ARFIP1: variants seen among roughly 807,000 people sequenced by gnomAD.
ARFIP1 encodes the protein arfaptin-1.
Under a neutral mutation model 42.5 loss-of-function variants are expected in ARFIP1, and 24 were observed. The ratio of observed to expected loss-of-function variants is 0.57; its 90% CI spans 0.41 to 0.80. ARFIP1 has a LOEUF of 0.80. Ranked by LOEUF, ARFIP1 falls within the 30% of genes least tolerant of loss-of-function variation. ARFIP1 has a pLI of 0.00. For missense variants in ARFIP1, 354 were observed against 434.0 expected (o/e 0.82, Z 1.64); for synonymous variants, 141 against 153.7 (o/e 0.92, Z 0.61).
Position 152,910,391 on chromosome 4 carries a change from T to TC in ARFIP1, c.*172_*173insC. On this transcript the variant is annotated 3_prime_UTR_variant, in exon 9 of 9. Coordinates refer to ENST00000353617, the MANE Select transcript of ARFIP1 (RefSeq NM_001025595.3). The stretch of plus-strand genomic sequence containing the variant: ...ACTTTAACAATTGAACTGTTAAGGG[T>TC]GGTTTTAATGTAAACATAGTTTCTA... 1 of 696,988 alleles carries TC rather than the reference T, an allele frequency of 1.4e-6. No individual in the cohort carries two copies. The highest frequency in any genetic ancestry group is 2.2e-6 in the Non-Finnish European group (1 of 450,280). 43.2% of individuals were successfully genotyped at this position (696,988 alleles called of 1,614,324 possible). A position where few individuals can be genotyped will look rare whatever the true frequency, so the allele number is the denominator to read the frequency against.
At chr4:152,831,019 CAT>C in intron 2 of ARFIP1, among the ~76,000 whole-genome samples, 1 of 152,256 alleles carries the variant, frequency 6.6e-6, no homozygotes, top group East Asian at 1.9e-4. Context: ...TAGAGTGACT[CAT>C]AGAACCAAGA....
intron 1 of ARFIP1, chr4:152,796,711 A>T: frequency 1.2e-6 from 1 of 864,542 alleles, no homozygotes; most frequent in South Asian, 1.3e-5. Flanking sequence ...CTTCAGACCA[A>T]TCATTTTCTT....
chr4:152,797,398 T>C (rs1262876445), intron 1 of ARFIP1, among the ~76,000 whole-genome samples: 1 of 152,190 alleles, frequency 6.6e-6, no homozygotes, highest in Non-Finnish European at 1.5e-5. Context: ...AGAGGTGGTC[T>C]CCTTGTGGTT....
chr4:152,849,592 C>T (rs969131619), intron 2 of ARFIP1, among the ~76,000 whole-genome samples: 2 of 151,900 alleles, frequency 1.3e-5, no homozygotes, highest in African/African-American at 4.8e-5. Context: ...CCAAAAGGTA[C>T]TTGTAAGTTC....
intron 2 of ARFIP1, among the ~76,000 whole-genome samples, chr4:152,848,936 A>C (rs1245455849): frequency 1.3e-5 from 2 of 152,200 alleles, no homozygotes; most frequent in African/African-American, 4.8e-5. Context: ...CAATGGCAAT[A>C]ATGATTTGAT....
chr4:152,796,805 G>C, intron 1 of ARFIP1: 1 of 660,644 alleles, frequency 1.5e-6, no homozygotes, highest in Non-Finnish European at 2.8e-6. Flanking sequence ...AGCATTTATG[G>C]TGTAATTCAA....
chr4:152,835,595 GTCT>G (rs1460895095), intron 2 of ARFIP1, among the ~76,000 whole-genome samples: 4 of 152,148 alleles, frequency 2.6e-5, no homozygotes, highest in East Asian at 1.9e-4. Context: ...TCACCTTCCT[GTCT>G]TCTTCTGAGC....
In ARFIP1 at chr4:152,911,781, T is replaced by C. The variant is rs185912682; in HGVS notation, c.*1562T>C. ...ACCTATTTTAAATCATTCCTTCCTGTATATTTGTACTCAGAGAGCCTTATT... is the reference window on the plus strand; with the variant it reads ...ACCTATTTTAAATCATTCCTTCCTGCATATTTGTACTCAGAGAGCCTTATT... On this transcript the variant is annotated 3_prime_UTR_variant, in exon 9 of 9. Coordinates refer to ENST00000353617, the MANE Select transcript of ARFIP1 (RefSeq NM_001025595.3). 1.2e-4 allele frequency: 19 copies of C among 152,736 alleles called. No homozygotes were observed. In the East Asian group the frequency reaches 3.7e-3, roughly 29 times the overall value. The allele number at this position is 152,736 out of a possible 1,614,324, so 9.5% of individuals were successfully genotyped here.
chr4:152,796,003 C>T, intron 1 of ARFIP1: 1 of 599,238 alleles, frequency 1.7e-6, no homozygotes, highest in Non-Finnish European at 3.2e-6. Context: ...AGAAACATTA[C>T]AGTAATGGTA....
chr4:152,893,937 C>G (rs1434088081), intron 8 of ARFIP1, among the ~76,000 whole-genome samples: 1 of 151,868 alleles, frequency 6.6e-6, no homozygotes, highest in East Asian at 1.9e-4. Flanking sequence ...GATTTCTTTT[C>G]TAATATATTA....
At chr4:152,871,426 A>G (rs1307172717) in intron 4 of ARFIP1, among the ~76,000 whole-genome samples, 1 of 152,178 alleles carries the variant, frequency 6.6e-6, no homozygotes, top group African/African-American at 2.4e-5. Context: ...ATGGGAGAAA[A>G]AATGAACTCC....
At chr4:152,835,831 G>T (rs1731602889) in intron 2 of ARFIP1, among the ~76,000 whole-genome samples, 1 of 152,216 alleles carries the variant, frequency 6.6e-6, no homozygotes, top group Admixed American at 6.5e-5. Flanking sequence ...ACCAACATCT[G>T]CTCCTGGTGA....
chr4:152,908,729 T>C (rs1738581128), intron 8 of ARFIP1, among the ~76,000 whole-genome samples: 1 of 152,132 alleles, frequency 6.6e-6, no homozygotes, highest in African/African-American at 2.4e-5. Context: ...CATCATACAG[T>C]GATTTTTCTA....
At chr4:152,787,365 A>G (rs1214079883) in intron 1 of ARFIP1, among the ~76,000 whole-genome samples, 2 of 152,232 alleles carry the variant, frequency 1.3e-5, no homozygotes, top group Non-Finnish European at 2.9e-5. Context: ...ACATAATTCT[A>G]CACCCAACTT....
chr4:152,868,708 AC>A (rs1362010723), intron 3 of ARFIP1, among the ~76,000 whole-genome samples: 2 of 152,326 alleles, frequency 1.3e-5, no homozygotes, highest in East Asian at 3.9e-4. Context: ...ACATGGAAGT[AC>A]AGTGGTCTTC....
chr4:152,812,637 A>G (rs554877875), intron 1 of ARFIP1, among the ~76,000 whole-genome samples: 1 of 152,286 alleles, frequency 6.6e-6, no homozygotes, highest in African/African-American at 2.4e-5. Context: ...TGAAATTCCA[A>G]ATGAACTGGT....
intron 1 of ARFIP1, among the ~76,000 whole-genome samples, chr4:152,820,156 C>G (rs1201672180): frequency 6.6e-6 from 1 of 151,968 alleles, no homozygotes; most frequent in Non-Finnish European, 1.5e-5. Flanking sequence ...GACCTCAGTG[C>G]ATTTCACCGA....
chr4:152,788,040 A>T (rs1464523156), intron 1 of ARFIP1, among the ~76,000 whole-genome samples: 1 of 152,138 alleles, frequency 6.6e-6, no homozygotes, highest in Admixed American at 6.5e-5. Flanking sequence ...AGCCTGGCCA[A>T]CATGGTGAAA....
chr4:152,864,446 G>A (rs1734152899), intron 3 of ARFIP1, among the ~76,000 whole-genome samples: 1 of 152,226 alleles, frequency 6.6e-6, no homozygotes, highest in South Asian at 2.1e-4. Flanking sequence ...AAGTGCATAA[G>A]CTAAGTCTGA....
Sources: allele counts gnomAD v4.1 joint callset (sites outside exome capture counted in the v4.1 genomes callset), GRCh38; gene constraint gnomAD v4.1.1; transcripts MANE v1.5; gene names NCBI Gene and HGNC (gene_info 2026-07-23, HGNC 2026-07-21).